Variants in OSBPL1A observed in about 807,000 individuals in gnomAD.
OSBPL1A encodes the protein oxysterol binding protein like 1A.
OSBPL1A carries 80 observed loss-of-function variants against 137.1 expected under a neutral mutation model. That is an observed-to-expected ratio of 0.58 (90% CI 0.49 to 0.70). OSBPL1A has a LOEUF of 0.70. Ranked by LOEUF, OSBPL1A falls within the 30% of genes least tolerant of loss-of-function variation. OSBPL1A has a pLI of 0.00. For synonymous variants in OSBPL1A, 365 were observed against 389.7 expected (o/e 0.94, Z 0.75); for missense variants, 970 against 1,129.4 (o/e 0.86, Z 2.02).
Position 24,166,714 on chromosome 18 carries a change from C to T in OSBPL1A, c.2536-12G>A. The T allele has an allele frequency of 3.1e-6, 5 of 1,601,712 alleles. No homozygotes were observed. The highest frequency in any genetic ancestry group is 4.3e-6 in the Non-Finnish European group (5 of 1,176,284). ...GTAAAATTATACATCTGAAAAGAAGCAAAAGGAAGAAATTAAAATATGCCA... is the reference window on the plus strand; with the variant it reads ...GTAAAATTATACATCTGAAAAGAAGTAAAAGGAAGAAATTAAAATATGCCA... On this transcript the variant is annotated splice_polypyrimidine_tract_variant and intron_variant, in intron 25 of 27. Transcript: ENST00000319481.
chr18:24,175,104 G>GTA (rs775433072), intron 21 of OSBPL1A, among the ~76,000 whole-genome samples: 1,161 of 42,418 alleles, frequency 0.027, 77 homozygotes, highest in African/African-American at 0.061. Context: ...TTTGCCATGT[G>GTA]TATGTATATA....
chr18:24,307,252 C>A (rs1050289908), intron 13 of OSBPL1A, among the ~76,000 whole-genome samples: 2 of 152,020 alleles, frequency 1.3e-5, no homozygotes, highest in African/African-American at 4.8e-5. Context: ...CACTGCACTC[C>A]AGCCTGGATG....
intron 15 of OSBPL1A, among the ~76,000 whole-genome samples, chr18:24,265,018 T>C (rs2089537863): frequency 6.6e-6 from 1 of 152,180 alleles, no homozygotes; most frequent in Non-Finnish European, 1.5e-5. Flanking sequence ...TCTTATATAC[T>C]GGCATCCACA....
chr18:24,183,435 C>CTTTTTT (rs35407694), intron 18 of OSBPL1A, among the ~76,000 whole-genome samples: 2 of 139,276 alleles, frequency 1.4e-5, no homozygotes, highest in Non-Finnish European at 3.1e-5. Context: ...TTTTCTTTTT[C>CTTTTTT]TTTTTTTTTT....
chr18:24,264,719 A>G (rs1182512479), intron 15 of OSBPL1A, among the ~76,000 whole-genome samples: 1 of 152,190 alleles, frequency 6.6e-6, no homozygotes, highest in East Asian at 1.9e-4. Flanking sequence ...CTTTGGTCAA[A>G]TTGAGAAAGT....
At chr18:24,303,905 G>A (rs890746795) in intron 13 of OSBPL1A, among the ~76,000 whole-genome samples, 187 bp from the exon 14 acceptor site, 25 of 152,184 alleles carry the variant, frequency 1.6e-4, no homozygotes, top group African/African-American at 6.0e-4. Context: ...TTAATCAAGT[G>A]TAAAGTAAAA....
chr18:24,247,350 T>C (rs564793376), intron 15 of OSBPL1A, among the ~76,000 whole-genome samples: 2 of 152,190 alleles, frequency 1.3e-5, no homozygotes, highest in Non-Finnish European at 2.9e-5. Flanking sequence ...AAGAGTGAAC[T>C]TGACAAGGGC....
At chr18:24,374,229 C>A (rs1905905706) in intron 2 of OSBPL1A, among the ~76,000 whole-genome samples, 1 of 152,168 alleles carries the variant, frequency 6.6e-6, no homozygotes, top group South Asian at 2.1e-4. Flanking sequence ...TTCTAGACAA[C>A]CCAGATCCTC....
rs1274017198 is a variant in OSBPL1A at position 24,303,617 on chromosome 18, G to GA, written c.1174+19dup. On this transcript the variant is annotated intron_variant, in intron 14 of 27. Transcript: ENST00000319481. ...CTATGTGTTAAAGAGTGATTGTAGG[G>GA]ATAGTGCTTGTCTTTTTACCTTTAG... 6.3e-7 allele frequency: 1 copy of GA among 1,587,956 alleles called. No homozygotes were observed. The highest frequency in any genetic ancestry group is 8.6e-7 in the Non-Finnish European group (1 of 1,156,996).
chr18:24,194,080 A>G (rs138623523), intron 18 of OSBPL1A, among the ~76,000 whole-genome samples: 1,565 of 152,332 alleles, frequency 0.01, 20 homozygotes, highest in Non-Finnish European at 0.012. Flanking sequence ...CCAACACTAC[A>G]GCTGACACCC....
At chr18:24,172,111 T>C (rs2086302070) in intron 22 of OSBPL1A, among the ~76,000 whole-genome samples, 1 of 152,094 alleles carries the variant, frequency 6.6e-6, no homozygotes, top group Non-Finnish European at 1.5e-5. Context: ...CGGCTAATTT[T>C]TGTATTTTTA....
At chr18:24,312,277 G>A (rs1026897589) in intron 12 of OSBPL1A, among the ~76,000 whole-genome samples, 171 bp from the exon 13 acceptor site, 1 of 152,158 alleles carries the variant, frequency 6.6e-6, no homozygotes, top group Non-Finnish European at 1.5e-5. Flanking sequence ...TCTTGTCCAT[G>A]ATATGTCTGG....
rs541044252 is a variant in OSBPL1A at position 24,178,504 on chromosome 18, G to C, written c.1911-309C>G. ...ACGGGGGTTTCATCATGTTGGCCAGGTTGGTTTCGAACTCCTGACCTCGTG... is the reference window on the plus strand; with the variant it reads ...ACGGGGGTTTCATCATGTTGGCCAGCTTGGTTTCGAACTCCTGACCTCGTG... On this transcript the variant is annotated intron_variant, in intron 20 of 27. Coordinates refer to ENST00000319481, the MANE Select transcript of OSBPL1A (RefSeq NM_080597.4). Among the ~76,000 whole-genome samples the C allele has an allele frequency of 1.8e-4, 27 of 152,082 alleles. 1 individual carries two copies. The South Asian group carries it at 5.6e-3, about 32-fold the overall frequency.
At chr18:24,327,823 A>C (rs1555651597) in intron 7 of OSBPL1A, among the ~76,000 whole-genome samples, 1 of 152,166 alleles carries the variant, frequency 6.6e-6, no homozygotes, top group South Asian at 2.1e-4. Flanking sequence ...CTATAGAGTA[A>C]ATATATATTT....
intron 4 of OSBPL1A, among the ~76,000 whole-genome samples, chr18:24,355,437 G>A (rs972736510): frequency 6.6e-6 from 1 of 151,926 alleles, no homozygotes; most frequent in Non-Finnish European, 1.5e-5. Context: ...GGAGGCGGAG[G>A]TTGCAGTGAG....
intron 24 of OSBPL1A, among the ~76,000 whole-genome samples, chr18:24,169,517 T>G (rs2086224144): frequency 6.6e-6 from 1 of 152,226 alleles, no homozygotes; most frequent in Non-Finnish European, 1.5e-5. Context: ...TTATGTTTGT[T>G]AACTCATTTA....
chr18:24,175,141 T>C (rs905873764), intron 21 of OSBPL1A, among the ~76,000 whole-genome samples: 17 of 139,766 alleles, frequency 1.2e-4, no homozygotes, highest in African/African-American at 3.9e-4. Flanking sequence ...TATATACACA[T>C]ATATATATAT....
At chr18:24,196,030 G>A (rs1022663561) in intron 18 of OSBPL1A, 95 bp downstream of exon 18, 13 of 952,434 alleles carry the variant, frequency 1.4e-5, no homozygotes, top group South Asian at 1.0e-4. Flanking sequence ...AAACGTTGTC[G>A]TGCACCACTT....
chr18:24,278,890 G>A lies in OSBPL1A; in HGVS notation c.1281+1952C>T, dbSNP rs115558904. 3.2e-3 allele frequency among the ~76,000 whole-genome samples: 489 copies of A among 152,156 alleles called. 5 individuals carry two copies. Among genetic ancestry groups the A allele is most frequent in the African/African-American group, 0.011 (448 of 41,520 alleles). On this transcript the variant is annotated intron_variant, in intron 15 of 27. Coordinates refer to ENST00000319481, the MANE Select transcript of OSBPL1A (RefSeq NM_080597.4). ...TTAAATAAACTTACACATGAAATTT[G>A]CAAACCACCAAAAATAGAAGTGCTG...
Sources: gnomAD v4.1 joint callset for allele counts (sites outside exome capture counted in the v4.1 genomes callset) on GRCh38, gnomAD v4.1.1 for gene constraint, MANE v1.5 for transcripts, NCBI Gene and HGNC (gene_info 2026-07-23, HGNC 2026-07-21) for gene names.